The following TNKS2 variants were observed in gnomAD, a reference collection of about 807,000 sequenced individuals.
TNKS2 encodes tankyrase 2.
Under a neutral mutation model 137.6 loss-of-function variants are expected in TNKS2, and 72 were observed. The observed-to-expected ratio is 0.52, with a 90% CI of 0.43 to 0.64. The LOEUF is 0.64. Ranked by LOEUF, TNKS2 falls within the 30% of genes least tolerant of loss-of-function variation. The pLI is 0.00. For missense variants in TNKS2, 1,049 were observed against 1,410.2 expected (o/e 0.74, Z 4.10); for synonymous variants, 516 against 512.1 (o/e 1.01, Z -0.10).
At position 91,798,610 on chromosome 10, in the gene TNKS2, G is replaced by C; in HGVS notation, c.-81G>C. The C allele has an allele frequency of 2.5e-6, 3 of 1,203,476 alleles. No individual in the cohort carries two copies. Among genetic ancestry groups the C allele is most frequent in the South Asian group, 4.3e-5 (1 of 23,416 alleles). 74.5% of individuals were successfully genotyped at this position (1,203,476 alleles called of 1,614,324 possible). ...GGCCCTGAGCGCGTCTTCTCCGGGG[G>C]GCCTCGCCCTCCTGCTCGCGGGGCC... On this transcript the variant is annotated 5_prime_UTR_variant, in exon 1 of 27. Transcript: ENST00000371627.
chr10:91,855,097 G>A lies in TNKS2; in HGVS notation c.2884G>A (p.Asp962Asn). 6.2e-7 allele frequency: 1 copy of A among 1,611,110 alleles called. No homozygotes were observed. The highest frequency in any genetic ancestry group is 8.5e-7 in the Non-Finnish European group (1 of 1,177,692). Residue 962 changes from aspartate to asparagine, a missense_variant, in exon 22 of 27, where the codon GAT (aspartate) becomes AAT (asparagine). Transcript: ENST00000371627. ...AATTCTTATAGATCTGTCTCCTGAT[G>A]ATAAAGAGTTTCAGTCTGTGGAGGA... ...GTILIDLSPDDKEFQSVEEEM... is the reference protein window; with the variant it reads ...GTILIDLSPDNKEFQSVEEEM...
At chr10:91,809,665 C>CA (rs531423746) in intron 1 of TNKS2, among the ~76,000 whole-genome samples, 1,638 of 98,784 alleles carry the variant, frequency 0.017, 16 homozygotes, top group South Asian at 0.058. Flanking sequence ...GACTCTGTCT[C>CA]AAAAAAAAAA....
chr10:91,810,080 G>A (rs1160578447), intron 1 of TNKS2, among the ~76,000 whole-genome samples: 1 of 152,052 alleles, frequency 6.6e-6, no homozygotes, highest in East Asian at 1.9e-4. Context: ...TCTTAAATAA[G>A]ATCTAATTGA....
rs576983913 is a variant in TNKS2, at chr10:91,835,135, T to C, written c.1447+1111T>C. On this transcript the variant is annotated intron_variant, in intron 12 of 26. Transcript: ENST00000371627. Reference sequence around the variant, plus strand: ...GAATTACAGAAGTAATAGATTTTAATGCTAACTATAAAAGTCTCATCAGTG... The same window carrying C: ...GAATTACAGAAGTAATAGATTTTAACGCTAACTATAAAAGTCTCATCAGTG... Among the ~76,000 whole-genome samples the C allele has an allele frequency of 3.9e-5, 6 of 152,272 alleles. No homozygotes were observed. The South Asian group carries it at 1.2e-3, about 32-fold the overall frequency.
chr10:91,837,291 A>C (rs1299244838), intron 13 of TNKS2, among the ~76,000 whole-genome samples: 1 of 152,188 alleles, frequency 6.6e-6, no homozygotes, highest in African/African-American at 2.4e-5. Context: ...TAACAGAATA[A>C]AGTTTATCAA....
intron 23 of TNKS2, 91 bp from the exon 24 acceptor site, chr10:91,857,334 T>G: frequency 1.4e-6 from 1 of 729,506 alleles, no homozygotes; most frequent in Admixed American, 2.9e-5. Context: ...TTGCCTACCT[T>G]CTAGCTAAAT....
intron 12 of TNKS2, among the ~76,000 whole-genome samples, chr10:91,835,196 G>A (rs202187122): frequency 6.6e-6 from 1 of 151,146 alleles, no homozygotes. Context: ...CTAGCAGATG[G>A]AAAAAAAATG....
At chr10:91,862,238 C>A in intron 26 of TNKS2, 83 bp downstream of exon 26, 1 of 1,131,496 alleles carries the variant, frequency 8.8e-7, no homozygotes, top group Non-Finnish European at 1.2e-6. Flanking sequence ...ATTGACAAGA[C>A]ATATTGCCTT....
intron 9 of TNKS2, among the ~76,000 whole-genome samples, chr10:91,829,428 T>C (rs1465989793): frequency 6.6e-6 from 1 of 151,902 alleles, no homozygotes; most frequent in Non-Finnish European, 1.5e-5. Context: ...AACTCGTTTT[T>C]GTAATTAACC....
In TNKS2 at chr10:91,864,188, C is replaced by T. The variant is rs1044086615; in HGVS notation, c.*1189C>T. 1 of 152,570 alleles carries T rather than the reference C, an allele frequency of 6.6e-6. No individual in the cohort carries two copies. The highest frequency in any genetic ancestry group is 2.4e-5 in the African/African-American group (1 of 41,404). The allele number at this position is 152,570 out of a possible 1,614,324, so 9.5% of individuals were successfully genotyped here. A position where few individuals can be genotyped will look rare whatever the true frequency, so the allele number is the denominator to read the frequency against. On this transcript the variant is annotated 3_prime_UTR_variant, in exon 27 of 27. Coordinates refer to ENST00000371627, the MANE Select transcript of TNKS2 (RefSeq NM_025235.4). ...TGCAGTGAAACAGGTGCTTCTTGCT[C>T]CTGGGTTTTCTCTCCATGATGTTAT...
chr10:91,821,972 A>G (rs973734502), intron 6 of TNKS2, among the ~76,000 whole-genome samples: 3 of 152,182 alleles, frequency 2.0e-5, no homozygotes, highest in Non-Finnish European at 4.4e-5. Context: ...CTTACCTTTT[A>G]GAAAAATCTG....
At chr10:91,836,613 T>C in intron 12 of TNKS2, 1 of 984,766 alleles carries the variant, frequency 1.0e-6, no homozygotes, top group Non-Finnish European at 1.2e-6. Context: ...ACCATTCCAA[T>C]GGCTTGCTTA....
rs1488072277 is a variant in TNKS2 at position 91,817,239 on chromosome 10, T to G, written c.520+10T>G. ...AAAGCAGTGCTTACTGGTAAGTCTG[T>G]ATACTCTGGTTATTCCAGGAAGCCT... is the stretch of plus-strand genomic sequence containing the variant. On this transcript the variant is annotated intron_variant, in intron 3 of 26. Coordinates refer to ENST00000371627, the MANE Select transcript of TNKS2 (RefSeq NM_025235.4). 6.2e-7 allele frequency: 1 copy of G among 1,600,992 alleles called. No homozygotes were observed. Among genetic ancestry groups the G allele is most frequent in the Admixed American group, 1.7e-5 (1 of 59,268 alleles).
chr10:91,847,286 A>G (rs1406405104), intron 18 of TNKS2, among the ~76,000 whole-genome samples: 2 of 152,210 alleles, frequency 1.3e-5, no homozygotes, highest in Non-Finnish European at 1.5e-5. Flanking sequence ...AGAAGAGTAC[A>G]TATTACAAAT....
At chr10:91,826,267 G>A (rs773595460) in intron 7 of TNKS2, among the ~76,000 whole-genome samples, 3 of 152,138 alleles carry the variant, frequency 2.0e-5, no homozygotes, top group African/African-American at 4.8e-5. Context: ...CACTTGTGTC[G>A]TCATGTCGGT....
In TNKS2 at chr10:91,812,769, T is replaced by G. The variant is rs1844550454; in HGVS notation, c.200-214T>G. On this transcript the variant is annotated intron_variant, in intron 1 of 26. Coordinates refer to ENST00000371627, the MANE Select transcript of TNKS2 (RefSeq NM_025235.4). Reference sequence around the variant, plus strand: ...GTAGTAGTACCACCCAAGGCACTGCTTAGGTACCACTGCTGCTTAGTGGAG... The same window carrying G: ...GTAGTAGTACCACCCAAGGCACTGCGTAGGTACCACTGCTGCTTAGTGGAG... The G allele has an allele frequency of 1.1e-5, 11 of 985,262 alleles. No homozygotes were observed. The South Asian group carries it at 4.7e-4, about 42-fold the overall frequency. The allele number at this position is 985,262 out of a possible 1,614,324, so 61.0% of individuals were successfully genotyped here.
intron 19 of TNKS2, 110 bp downstream of exon 19, chr10:91,848,745 A>T: frequency 2.4e-6 from 3 of 1,258,628 alleles, no homozygotes; most frequent in Non-Finnish European, 3.3e-6. Flanking sequence ...TTAGTATAAA[A>T]TTAGTTAACA....
At chr10:91,805,981 G>C (rs1294327687) in intron 1 of TNKS2, among the ~76,000 whole-genome samples, 1 of 151,708 alleles carries the variant, frequency 6.6e-6, no homozygotes, top group Non-Finnish European at 1.5e-5. Context: ...GCTAATGACA[G>C]CAAGAGCTGA....
At chr10:91,806,824 A>G (rs984566863) in intron 1 of TNKS2, among the ~76,000 whole-genome samples, 2 of 152,218 alleles carry the variant, frequency 1.3e-5, no homozygotes, top group African/African-American at 4.8e-5. Context: ...TCTTTTAAGG[A>G]AAGATGAACT....
Sources: allele counts gnomAD v4.1 joint callset (sites outside exome capture counted in the v4.1 genomes callset), GRCh38; gene constraint gnomAD v4.1.1; transcripts MANE v1.5; gene names NCBI Gene and HGNC (gene_info 2026-07-23, HGNC 2026-07-21).